RFX1: variants seen among roughly 807,000 people sequenced by gnomAD.
RFX1 encodes the protein MHC class II regulatory factor RFX1.
Under a neutral mutation model 119.6 loss-of-function variants are expected in RFX1, and 42 were observed. The ratio of observed to expected loss-of-function variants is 0.35; its 90% CI spans 0.27 to 0.45. The LOEUF (loss-of-function observed/expected upper bound fraction) is 0.45. Among genes scored for constraint, RFX1 ranks in the 20% least tolerant of loss-of-function variants. The pLI is 1.00. For missense variants in RFX1, 1,118 were observed against 1,368.1 expected (o/e 0.82, Z 2.88); for synonymous variants, 628 against 618.5 (o/e 1.02, Z -0.23).
intron 1 of RFX1, among the ~76,000 whole-genome samples, chr19:14,000,303 T>C (rs940885214): frequency 1.3e-5 from 2 of 152,190 alleles, no homozygotes; most frequent in Non-Finnish European, 2.9e-5. Flanking sequence ...CTAGCCAACA[T>C]GGCGAAACCC....
chr19:13,975,683 C>A (rs1309628816), intron 8 of RFX1, among the ~76,000 whole-genome samples: 1 of 152,226 alleles, frequency 6.6e-6, no homozygotes, highest in East Asian at 1.9e-4. Flanking sequence ...ACCCAGCATG[C>A]AATGTGTGCT....
intron 12 of RFX1, among the ~76,000 whole-genome samples, chr19:13,967,118 C>A (rs1419184978): frequency 6.6e-6 from 1 of 152,206 alleles, no homozygotes. Context: ...CTAAGCACCC[C>A]AGGTTGGGGC....
Position 13,986,627 on chromosome 19 carries a change from C to T in RFX1, c.320-3032G>A, listed in dbSNP as rs1201134430. 6.6e-6 allele frequency among the ~76,000 whole-genome samples: 1 copy of T among 152,162 alleles called. No individual in the cohort carries two copies. Among genetic ancestry groups the T allele is most frequent in the East Asian group, 1.9e-4 (1 of 5,194 alleles). ...TGCATCTATCTGCCGGAGATCGCCA[C>T]TCTGGGCATGCGCAGGAGGCCAGGG... On this transcript the variant is annotated intron_variant, in intron 2 of 20. Transcript: ENST00000254325. The surrounding 1 kb of genome is among the most constrained non-coding windows in gnomAD (Gnocchi z 4.2).
At chr19:13,963,316 G>T (rs778846577) in intron 18 of RFX1, 41 bp from the exon 19 acceptor site, 3 of 1,572,586 alleles carry the variant, frequency 1.9e-6, no homozygotes, top group Non-Finnish European at 2.6e-6. Context: ...GGCCCCGTCC[G>T]GCCCGACCCC....
chr19:13,992,473 C>T (rs1192967146), intron 2 of RFX1, among the ~76,000 whole-genome samples: 1 of 152,160 alleles, frequency 6.6e-6, no homozygotes, highest in African/African-American at 2.4e-5. Context: ...ACAGGTCCTG[C>T]GTGCCTTAGC....
chr19:14,001,683 G>A (rs929289628), intron 1 of RFX1, among the ~76,000 whole-genome samples: 1 of 152,214 alleles, frequency 6.6e-6, no homozygotes, highest in African/African-American at 2.4e-5. Context: ...TGGTGGGCCT[G>A]GTCTCTGTCT....
At position 13,969,380 on chromosome 19, in the gene RFX1, G is replaced by A. The variant is rs976496757; in HGVS notation, c.1497-486C>T. Among the ~76,000 whole-genome samples the A allele has an allele frequency of 7.9e-5, 12 of 152,136 alleles. No individual in the cohort carries two copies. Among genetic ancestry groups the A allele is most frequent in the South Asian group, 2.1e-4 (1 of 4,828 alleles). On this transcript the variant is annotated intron_variant, in intron 10 of 20. Transcript: ENST00000254325. The surrounding 1 kb of genome is among the most constrained non-coding windows in gnomAD (Gnocchi z 4.5). ...TAAAAGGCACGTGTGGGCCGGGCAC[G>A]GTGGGGTCATGCCTATAATCCTAGC...
At chr19:13,979,992 G>A (rs901322068) in intron 6 of RFX1, among the ~76,000 whole-genome samples, 3 of 151,988 alleles carry the variant, frequency 2.0e-5, no homozygotes, top group Non-Finnish European at 4.4e-5. Context: ...CTGGAGGTTC[G>A]GGGGGGCTCT....
At chr19:13,972,056 C>T (rs1163236626) in intron 9 of RFX1, among the ~76,000 whole-genome samples, 1 of 151,344 alleles carries the variant, frequency 6.6e-6, no homozygotes, top group Admixed American at 6.6e-5. Flanking sequence ...GTAGTCCCAG[C>T]TACTTGCAAG....
Position 13,982,178 on chromosome 19 carries a change from T to G in RFX1, c.564A>C (p.Lys188Asn), listed in dbSNP as rs978609150. 5.3e-6 allele frequency: 7 copies of G among 1,311,706 alleles called. No homozygotes were observed. The highest frequency in any genetic ancestry group is 6.9e-6 in the Non-Finnish European group (7 of 1,021,602). The allele number at this position is 1,311,706 out of a possible 1,614,324, so 81.3% of individuals were successfully genotyped here. A position where few individuals can be genotyped will look rare whatever the true frequency, so the allele number is the denominator to read the frequency against. ...LVVQSAAPGS[K>N]GGQVSLTVHG... ...GGACCGTCAGGGAGACCTGGCCACC[T>G]TTGCTGCCTGGGGCTGCGCTCTGCA... The change falls in exon 5 of 21, where the codon AAA becomes AAC. Residue 188 changes from lysine to asparagine, a missense_variant. Coordinates refer to ENST00000254325, the MANE Select transcript of RFX1 (RefSeq NM_002918.5).
chr19:13,984,290 C>A (rs528755588), intron 2 of RFX1, among the ~76,000 whole-genome samples: 1 of 147,046 alleles, frequency 6.8e-6, no homozygotes, highest in Non-Finnish European at 1.5e-5. Context: ...TCCTTGCCTG[C>A]CTCTATAGAA....
Position 13,966,551 on chromosome 19 carries a change from C to T in RFX1, c.1852-21G>A. On this transcript the variant is annotated intron_variant, in intron 13 of 20. Transcript: ENST00000254325. The surrounding 1 kb of genome is among the most constrained non-coding windows in gnomAD (Gnocchi z 6.3). ...ATGGCCTGTGGCAGAGGCGGATGCT[C>T]AGGGAGGCTGGGGGGCAGCATGGCC... is the stretch of plus-strand genomic sequence containing the variant. The T allele has an allele frequency of 6.5e-7, 1 of 1,546,936 alleles. No homozygotes were observed. Among genetic ancestry groups the T allele is most frequent in the Admixed American group, 1.8e-5 (1 of 54,528 alleles).
chr19:14,005,963 T>G (rs995366512), intron 1 of RFX1, 140 bp downstream of exon 1: 1 of 108,706 alleles, frequency 9.2e-6, no homozygotes, highest in Non-Finnish European at 2.0e-5. Flanking sequence ...CCCGGCCCCC[T>G]CCCCCACGGT....
intron 6 of RFX1, 36 bp from the exon 7 acceptor site, chr19:13,979,578 C>T: frequency 6.7e-7 from 1 of 1,482,124 alleles, no homozygotes; most frequent in African/African-American, 1.4e-5. Context: ...ATGACCATGG[C>T]AACGATGGCC....
At position 13,994,828 on chromosome 19, in the gene RFX1, ATATACACTG is replaced by A. The variant is rs892914585; in HGVS notation, c.-52-942_-52-934del. Among the ~76,000 whole-genome samples the A allele has an allele frequency of 5.5e-5, 8 of 145,376 alleles. No individual in the cohort carries two copies. The Admixed American group carries it at 5.7e-4, about 10-fold the overall frequency. The stretch of plus-strand genomic sequence containing the variant: ...ATATATAGTATATATATACACACAC[ATATACACTG>A]TATACATATATGTACACATGTATAT... On this transcript the variant is annotated intron_variant, in intron 1 of 20. Coordinates refer to ENST00000254325, the MANE Select transcript of RFX1 (RefSeq NM_002918.5).
In RFX1 at chr19:13,973,112, G is replaced by A; in HGVS notation, c.945C>T (p.Tyr315=). ...YTASAIRSST[Y]SYPETPLYTQ... ...TGTACAGCGGCGTCTCGGGATAGGA[G>A]TAGGTGCTGGAACGGCTGGGAAAGA... is the stretch of plus-strand genomic sequence containing the variant. Residue 315 remains tyrosine, a synonymous_variant, in exon 9 of 21, where the codon TAC becomes TAT. Coordinates refer to ENST00000254325, the MANE Select transcript of RFX1 (RefSeq NM_002918.5). The A allele has an allele frequency of 6.3e-7, 1 of 1,599,118 alleles. No individual in the cohort carries two copies. The highest frequency in any genetic ancestry group is 8.5e-7 in the Non-Finnish European group (1 of 1,179,628).
chr19:13,995,514 C>CA (rs1055703735), intron 1 of RFX1, among the ~76,000 whole-genome samples: 2 of 152,168 alleles, frequency 1.3e-5, no homozygotes, highest in Non-Finnish European at 2.9e-5. Context: ...GGAGCAGGCC[C>CA]AGGCTGCACT....
rs1026066899 is a variant in RFX1, at chr19:13,965,834, C to T, written c.1962-57G>A. ...GGGTACTCTATGGTCCTGCCCCCATCGTCAGAAGGGAACAGGTAGCCCCTG... is the reference window on the plus strand; with the variant it reads ...GGGTACTCTATGGTCCTGCCCCCATTGTCAGAAGGGAACAGGTAGCCCCTG... On this transcript the variant is annotated intron_variant, in intron 14 of 20. Coordinates refer to ENST00000254325, the MANE Select transcript of RFX1 (RefSeq NM_002918.5). This position sits in a 1 kb window ranked among gnomAD's most constrained non-coding sequence, Gnocchi z 4.7. 6.9e-6 allele frequency: 11 copies of T among 1,585,154 alleles called. No individual in the cohort carries two copies. Among genetic ancestry groups the T allele is most frequent in the South Asian group, 3.4e-5 (3 of 88,234 alleles).
intron 2 of RFX1, among the ~76,000 whole-genome samples, chr19:13,983,904 A>G (rs548863455): frequency 8.0e-4 from 122 of 152,086 alleles, no homozygotes; most frequent in Non-Finnish European, 1.6e-3. Context: ...AGAAGGCTGG[A>G]CCCTTCCCAG....
Sources: gnomAD v4.1 joint callset for allele counts (sites outside exome capture counted in the v4.1 genomes callset) on GRCh38, gnomAD v4.1.1 for gene constraint, Gnocchi (gnomAD v3.1) non-coding constraint, MANE v1.5 for transcripts, NCBI Gene and HGNC (gene_info 2026-07-23, HGNC 2026-07-21) for gene names.